RNF2: variants seen among roughly 807,000 people sequenced by gnomAD.
RNF2 encodes the protein E3 ubiquitin-protein ligase RING2.
Under a neutral mutation model 37.2 loss-of-function variants are expected in RNF2, and 6 were observed. The ratio of observed to expected loss-of-function variants is 0.16; its 90% CI spans 0.09 to 0.32. The LOEUF (loss-of-function observed/expected upper bound fraction) is 0.32, where lower values mean the gene tolerates loss of function less well. Ranked by LOEUF, RNF2 falls within the 10% of genes least tolerant of loss-of-function variation. The pLI is 1.00. For missense variants in RNF2, 251 were observed against 404.0 expected, an observed-to-expected ratio of 0.62 and a Z score of 3.25; for synonymous variants, 133 against 132.7, an observed-to-expected ratio of 1.00 and a Z score of -0.02.
intron 1 of RNF2, among the ~76,000 whole-genome samples, chr1:185,055,233 A>G (rs1456707069): frequency 1.3e-5 from 2 of 152,210 alleles, no homozygotes; most frequent in African/African-American, 4.8e-5. Flanking sequence ...TCTGCATTAT[A>G]CTTACCAGTT....
chr1:185,066,245 A>G (rs1210269513), intron 1 of RNF2, among the ~76,000 whole-genome samples: 1 of 152,118 alleles, frequency 6.6e-6, no homozygotes, highest in Non-Finnish European at 1.5e-5. Context: ...ACTAGGCCTC[A>G]CTGATCTAGT....
intron 3 of RNF2, 76 bp downstream of exon 3, chr1:185,091,815 TTTC>T: frequency 2.2e-6 from 3 of 1,387,526 alleles, no homozygotes; most frequent in Non-Finnish European, 2.9e-6. Context: ...AGAAATACAT[TTTC>T]TTTTTTTTTT....
At chr1:185,095,772 C>A (rs1214485007) in intron 4 of RNF2, among the ~76,000 whole-genome samples, 1 of 152,110 alleles carries the variant, frequency 6.6e-6, no homozygotes. Context: ...ATGTTGACTT[C>A]TACATACATT....
chr1:185,061,902 A>G (rs1205587883), intron 1 of RNF2, among the ~76,000 whole-genome samples: 1 of 152,194 alleles, frequency 6.6e-6, no homozygotes, highest in Non-Finnish European at 1.5e-5. Context: ...ACAAATGAGG[A>G]AACTGGACCC....
At chr1:185,098,730 A>T (rs1003149997) in intron 5 of RNF2, among the ~76,000 whole-genome samples, 1 of 152,104 alleles carries the variant, frequency 6.6e-6, no homozygotes, top group African/African-American at 2.4e-5. Context: ...TTAATGATAT[A>T]TTATGTTTTA....
intron 2 of RNF2, among the ~76,000 whole-genome samples, chr1:185,088,229 T>C (rs1651659020): frequency 6.6e-6 from 1 of 152,092 alleles, no homozygotes; most frequent in African/African-American, 2.4e-5. Flanking sequence ...TATAACTTCA[T>C]CCAGAGCTGT....
chr1:185,084,663 C>A (rs966216513), intron 1 of RNF2, among the ~76,000 whole-genome samples: 1 of 152,080 alleles, frequency 6.6e-6, no homozygotes, highest in African/African-American at 2.4e-5. Flanking sequence ...TTTGATGTGC[C>A]CCACATTCTT....
At chr1:185,065,511 G>A (rs1423014607) in intron 1 of RNF2, among the ~76,000 whole-genome samples, 1 of 152,162 alleles carries the variant, frequency 6.6e-6, no homozygotes, top group Non-Finnish European at 1.5e-5. Flanking sequence ...ATCAGGGTCT[G>A]CAGCTTCATT....
At chr1:185,091,795 C>T in intron 3 of RNF2, 56 bp downstream of exon 3, 1 of 1,463,920 alleles carries the variant, frequency 6.8e-7, no homozygotes, top group Non-Finnish European at 9.3e-7. Flanking sequence ...AAAGTGCTTT[C>T]CAGGGTTTGA....
intron 4 of RNF2, among the ~76,000 whole-genome samples, chr1:185,097,289 G>T (rs766358697): frequency 6.6e-6 from 1 of 152,166 alleles, no homozygotes; most frequent in Non-Finnish European, 1.5e-5. Flanking sequence ...AGATACCATC[G>T]CATTTTCCTC....
rs747038803 is a variant in RNF2, at chr1:185,098,202, A to G, written c.595A>G (p.Thr199Ala). 4.3e-6 allele frequency: 7 copies of G among 1,614,206 alleles called. No homozygotes were observed. Among genetic ancestry groups the G allele is most frequent in the Non-Finnish European group, 5.9e-6 (7 of 1,180,028 alleles). Reference sequence around the variant, plus strand: ...AGGCCCTAGTAACAAACGGACCAAAACATCTGATGATTCTGGGCTAGAGCT... The same window carrying G: ...AGGCCCTAGTAACAAACGGACCAAAGCATCTGATGATTCTGGGCTAGAGCT... ...EAGPSNKRTK[T>A]SDDSGLELDN... Residue 199 changes from threonine (T) to alanine (A), a missense_variant, in exon 5 of 7, where the codon ACA becomes GCA. By Grantham distance (58) the Thr-to-Ala change is moderately conservative. Transcript: ENST00000367510.
chr1:185,084,942 ATGT>A (rs1260805202), intron 1 of RNF2, among the ~76,000 whole-genome samples: 2 of 152,066 alleles, frequency 1.3e-5, no homozygotes, highest in Non-Finnish European at 2.9e-5. Context: ...AATGAGGGAC[ATGT>A]TGTGTCTTCA....
chr1:185,088,881 A>G (rs943680234), intron 2 of RNF2, among the ~76,000 whole-genome samples: 1 of 152,144 alleles, frequency 6.6e-6, no homozygotes. Flanking sequence ...GATTTAAAGC[A>G]GCATGCCCAG....
chr1:185,060,843 G>A (rs940692480), intron 1 of RNF2, among the ~76,000 whole-genome samples: 1 of 152,192 alleles, frequency 6.6e-6, no homozygotes, highest in Non-Finnish European at 1.5e-5. Context: ...AACAGGCTGG[G>A]CAAGGTGGCC....
intron 1 of RNF2, among the ~76,000 whole-genome samples, chr1:185,064,441 G>A (rs1007331509): frequency 6.6e-6 from 1 of 152,126 alleles, no homozygotes; most frequent in African/African-American, 2.4e-5. Context: ...ACAGTGGTTC[G>A]ACTTACGATT....
chr1:185,090,818 A>G (rs905543918), intron 2 of RNF2, among the ~76,000 whole-genome samples: 1 of 152,226 alleles, frequency 6.6e-6, no homozygotes, highest in African/African-American at 2.4e-5. Context: ...AGTAGGATTC[A>G]CTAATCATTC....
chr1:185,047,820 A>G (rs994897395), intron 1 of RNF2, among the ~76,000 whole-genome samples: 1 of 152,212 alleles, frequency 6.6e-6, no homozygotes, highest in Non-Finnish European at 1.5e-5. Context: ...GTACACATCT[A>G]CAATTGGTTT....
chr1:185,046,690 A>G, intron 1 of RNF2, among the ~76,000 whole-genome samples: 1 of 152,146 alleles, frequency 6.6e-6, no homozygotes, highest in East Asian at 1.9e-4. Context: ...TGCACTCAGT[A>G]TTTTAGTAAT....
intron 1 of RNF2, among the ~76,000 whole-genome samples, chr1:185,063,124 C>T (rs1424903357): frequency 3.3e-5 from 5 of 152,170 alleles, no homozygotes; most frequent in Non-Finnish European, 5.9e-5. Context: ...ATACACTAAA[C>T]CTGTAACTGT....
Sources: gnomAD v4.1 joint callset for allele counts (sites outside exome capture counted in the v4.1 genomes callset) on GRCh38, gnomAD v4.1.1 for gene constraint, MANE v1.5 for transcripts, NCBI Gene and HGNC (gene_info 2026-07-23, HGNC 2026-07-21) for gene names.